PRXL2C: variants seen among roughly 807,000 people sequenced by gnomAD.
PRXL2C encodes the protein peroxiredoxin like 2C, also known as peroxiredoxin-like 2C.
Under a neutral mutation model 24.9 loss-of-function variants are expected in PRXL2C, and 38 were observed. The ratio of observed to expected loss-of-function variants is 1.53; its 90% CI spans 1.18 to 2.00. The LOEUF is 2.00. Among genes scored for constraint, PRXL2C ranks in the 30% most tolerant of loss-of-function variants. PRXL2C has a pLI of 0.00. For synonymous variants in PRXL2C, 98 were observed against 117.2 expected (o/e 0.84, Z 1.06); for missense variants, 294 against 290.9 (o/e 1.01, Z -0.08).
rs925722481 is a variant in PRXL2C at position 96,655,292 on chromosome 9, G to A, written c.-11C>T. The A allele has an allele frequency of 3.0e-5, 31 of 1,048,984 alleles. No individual in the cohort carries two copies. In the African/African-American group the frequency reaches 4.6e-4, roughly 16 times the overall value. The allele number at this position is 1,048,984 out of a possible 1,614,324, so 65.0% of individuals were successfully genotyped here. On this transcript the variant is annotated 5_prime_UTR_variant, in exon 1 of 6. Transcript: ENST00000375234. ...GGCCGGCGCGGCCATGACGCGGGGCGGCCGAGGGCCTGGGTCCGCTCTGTC... is the reference window on the plus strand; with the variant it reads ...GGCCGGCGCGGCCATGACGCGGGGCAGCCGAGGGCCTGGGTCCGCTCTGTC...
Position 96,641,835 on chromosome 9 carries a change from G to C in PRXL2C, c.605C>G (p.Pro202Arg), listed in dbSNP as rs961516562. The C allele has an allele frequency of 5.1e-6, 8 of 1,564,414 alleles. No individual in the cohort carries two copies. In the African/African-American group the frequency reaches 1.1e-4, roughly 21 times the overall value. ...HRDRNRLDHK[P>R]INSVLQLVGV... ...TACAAGCTGTAAAACAGAGTTGATAGGTTTGTGATCCAACCTATTCCTATC... is the reference window on the plus strand; with the variant it reads ...TACAAGCTGTAAAACAGAGTTGATACGTTTGTGATCCAACCTATTCCTATC... The change falls in exon 6 of 6, where the codon CCT (proline) becomes CGT (arginine). Residue 202 changes from proline (P) to arginine (R), a missense_variant. Pro to Arg is a moderately radical substitution (Grantham distance 103). Coordinates refer to ENST00000375234, the MANE Select transcript of PRXL2C (RefSeq NM_153698.2).
intron 5 of PRXL2C, among the ~76,000 whole-genome samples, chr9:96,642,167 T>A (rs1005439551): frequency 8.5e-5 from 13 of 152,132 alleles, no homozygotes; most frequent in Admixed American, 7.9e-4. Context: ...TTAAATATAA[T>A]TAAATAAAAT....
At chr9:96,651,630 A>G in intron 3 of PRXL2C, 29 bp downstream of exon 3, 1 of 1,587,554 alleles carries the variant, frequency 6.3e-7, no homozygotes, top group Non-Finnish European at 8.6e-7. Context: ...GATTTTATTC[A>G]TTAGTCTCCC....
chr9:96,644,977 G>C (rs1848173273), intron 5 of PRXL2C, among the ~76,000 whole-genome samples: 1 of 133,282 alleles, frequency 7.5e-6, no homozygotes, highest in Admixed American at 8.7e-5. Flanking sequence ...TGCGATCTCG[G>C]CGCACTGCAA....
At chr9:96,642,781 G>C (rs1408065698) in intron 5 of PRXL2C, among the ~76,000 whole-genome samples, 1 of 152,090 alleles carries the variant, frequency 6.6e-6, no homozygotes, top group Non-Finnish European at 1.5e-5. Context: ...CTGATCTTGT[G>C]ATCCGCCCAC....
At chr9:96,648,742 C>A (rs1848228184) in intron 4 of PRXL2C, among the ~76,000 whole-genome samples, 1 of 152,086 alleles carries the variant, frequency 6.6e-6, no homozygotes, top group Non-Finnish European at 1.5e-5. Context: ...TGAGGTGTTA[C>A]TAAAGTGAAA....
intron 4 of PRXL2C, among the ~76,000 whole-genome samples, chr9:96,649,717 C>T (rs1037811213): frequency 1.3e-5 from 2 of 152,040 alleles, no homozygotes; most frequent in Non-Finnish European, 2.9e-5. Flanking sequence ...AACCCTGTCA[C>T]AAATATCACT....
rs1413865360 is a variant in PRXL2C, at chr9:96,641,157, G to T, written c.*602C>A. The T allele has an allele frequency of 6.6e-6, 1 of 152,004 alleles. No homozygotes were observed. Among genetic ancestry groups the T allele is most frequent in the Non-Finnish European group, 1.5e-5 (1 of 68,024 alleles). 9.4% of individuals were successfully genotyped at this position (152,004 alleles called of 1,614,324 possible). ...CTATAATGTTTAAAGACCTTTTCCT[G>T]GCCCTACAATATTAATCATGCTCAT... On this transcript the variant is annotated 3_prime_UTR_variant, in exon 6 of 6. Coordinates refer to ENST00000375234, the MANE Select transcript of PRXL2C (RefSeq NM_153698.2).
Position 96,655,210 on chromosome 9 carries a change from G to A in PRXL2C, c.72C>T (p.Pro24=). Residue 24 remains proline (P), a synonymous_variant, in exon 1 of 6, where the codon CCC becomes CCT. Coordinates refer to ENST00000375234, the MANE Select transcript of PRXL2C (RefSeq NM_153698.2). ...CGGCCGCCAGGGGCTGCCCGCTGTC[G>A]GGGCCGCTCGGGGCCGGGACCAGGG... ...AAALVPAPSG[P]DSGQPLAAAV... The A allele has an allele frequency of 8.6e-7, 1 of 1,162,090 alleles. No individual in the cohort carries two copies. Among genetic ancestry groups the A allele is most frequent in the Non-Finnish European group, 1.1e-6 (1 of 944,826 alleles). 72.0% of individuals were successfully genotyped at this position (1,162,090 alleles called of 1,614,324 possible).
At chr9:96,642,235 T>C (rs1346526666) in intron 5 of PRXL2C, among the ~76,000 whole-genome samples, 2 of 152,092 alleles carry the variant, frequency 1.3e-5, no homozygotes, top group African/African-American at 4.8e-5. Context: ...GAAAATCACA[T>C]CTGTTTCTTA....
chr9:96,649,206 C>G (rs185087912), intron 4 of PRXL2C, among the ~76,000 whole-genome samples: 2 of 152,164 alleles, frequency 1.3e-5, no homozygotes, highest in Non-Finnish European at 2.9e-5. Flanking sequence ...GAGAAACAAG[C>G]AGACTCTATG....
intron 2 of PRXL2C, 55 bp downstream of exon 2, chr9:96,654,650 C>T (rs1564411004): frequency 1.3e-6 from 2 of 1,517,040 alleles, no homozygotes; most frequent in Non-Finnish European, 1.8e-6. Flanking sequence ...CTCCCCCGCC[C>T]CGCTCGCAAG....
intron 1 of PRXL2C, 73 bp from the exon 2 acceptor site, chr9:96,654,846 C>G (rs2119196501): frequency 1.0e-5 from 15 of 1,445,246 alleles, no homozygotes; most frequent in African/African-American, 1.0e-4. Flanking sequence ...CCCTGTACTT[C>G]GCCGTGCGTG....
At chr9:96,642,064 T>C (rs1461714623) in intron 5 of PRXL2C, among the ~76,000 whole-genome samples, 178 bp from the exon 6 acceptor site, 2 of 152,164 alleles carry the variant, frequency 1.3e-5, no homozygotes, top group Non-Finnish European at 2.9e-5. Flanking sequence ...TAATAAAGTA[T>C]GACAAGGATT....
chr9:96,643,021 T>G (rs190911169), intron 5 of PRXL2C, among the ~76,000 whole-genome samples: 1 of 152,330 alleles, frequency 6.6e-6, no homozygotes, highest in African/African-American at 2.4e-5. Flanking sequence ...CAACAACTAT[T>G]TACATTGCAT....
chr9:96,647,413 T>C (rs1016856953), intron 4 of PRXL2C, among the ~76,000 whole-genome samples: 1 of 152,234 alleles, frequency 6.6e-6, no homozygotes, highest in Non-Finnish European at 1.5e-5. Flanking sequence ...TTATTTCTCC[T>C]CATCTCTTCA....
At chr9:96,645,012 G>T (rs571076106) in intron 5 of PRXL2C, among the ~76,000 whole-genome samples, 40 of 139,802 alleles carry the variant, frequency 2.9e-4, no homozygotes, top group East Asian at 9.4e-4. Context: ...GTTCACGCCA[G>T]TCTCCTGCCT....
intron 4 of PRXL2C, among the ~76,000 whole-genome samples, chr9:96,648,767 A>C (rs79659542): frequency 0.046 from 7,050 of 152,162 alleles, 577 homozygotes; most frequent in African/African-American, 0.16. Flanking sequence ...CAGTTTATAT[A>C]TAAAGTGCTA....
At chr9:96,646,300 A>G (rs1848201020) in intron 4 of PRXL2C, among the ~76,000 whole-genome samples, 1 of 152,200 alleles carries the variant, frequency 6.6e-6, no homozygotes, top group African/African-American at 2.4e-5. Context: ...CTCCCAAGGG[A>G]GAGAGGAGTA....
Sources: gnomAD v4.1 joint callset for allele counts (sites outside exome capture counted in the v4.1 genomes callset) on GRCh38, gnomAD v4.1.1 for gene constraint, MANE v1.5 for transcripts, NCBI Gene and HGNC (gene_info 2026-07-23, HGNC 2026-07-21) for gene names.